The following PHAX variants were observed in gnomAD, a reference collection of about 807,000 sequenced individuals.
PHAX encodes the protein phosphorylated adapter RNA export protein.
Under a neutral mutation model 41.6 loss-of-function variants are expected in PHAX, and 31 were observed. The observed-to-expected ratio is 0.75, with a 90% CI of 0.56 to 1.01. The LOEUF is 1.01. Ranked by LOEUF, PHAX falls within the 50% of genes least tolerant of loss-of-function variation. PHAX has a pLI of 0.00. For synonymous variants in PHAX, 175 were observed against 164.9 expected (o/e 1.06, Z -0.47); for missense variants, 453 against 472.9 (o/e 0.96, Z 0.39).
intron 4 of PHAX, among the ~76,000 whole-genome samples, chr5:126,620,027 A>G (rs1752245798): frequency 6.6e-6 from 1 of 152,194 alleles, no homozygotes; most frequent in Non-Finnish European, 1.5e-5. Flanking sequence ...AGATAAAGCA[A>G]CTTACCTTGA....
intron 1 of PHAX, 132 bp downstream of exon 1, chr5:126,601,190 G>C (rs1751892144): frequency 1.6e-6 from 1 of 641,422 alleles, no homozygotes; most frequent in East Asian, 3.4e-5. Flanking sequence ...CCAGGCTGTC[G>C]GGTCAGTGGC....
At chr5:126,623,019 T>C (rs984043981) in intron 4 of PHAX, among the ~76,000 whole-genome samples, 7 of 151,758 alleles carry the variant, frequency 4.6e-5, no homozygotes, top group Non-Finnish European at 1.0e-4. Flanking sequence ...CCAGCTACTC[T>C]AGAGGCCAAG....
chr5:126,612,371 G>A (rs1752115486), intron 3 of PHAX, among the ~76,000 whole-genome samples: 1 of 152,100 alleles, frequency 6.6e-6, no homozygotes, highest in African/African-American at 2.4e-5. Context: ...TACTTTAAAT[G>A]AAATGGCCCA....
intron 4 of PHAX, among the ~76,000 whole-genome samples, chr5:126,621,987 C>T (rs141715021): frequency 1.3e-3 from 191 of 152,128 alleles, no homozygotes; most frequent in African/African-American, 3.9e-3. Flanking sequence ...ATTTTTGAGA[C>T]GGAGTCTCCT....
intron 4 of PHAX, 60 bp from the exon 5 acceptor site, chr5:126,624,515 T>C (rs1277730171): frequency 1.6e-6 from 2 of 1,282,954 alleles, no homozygotes; most frequent in African/African-American, 3.0e-5. Context: ...GGGACAGTCA[T>C]GGAATAAACC....
At position 126,618,674 on chromosome 5, in the gene PHAX, T is replaced by G. The variant is rs892248957; in HGVS notation, c.915+1341T>G. 1.2e-4 allele frequency among the ~76,000 whole-genome samples: 18 copies of G among 150,080 alleles called. No individual in the cohort carries two copies. In the East Asian group the frequency reaches 2.7e-3, roughly 23 times the overall value. On this transcript the variant is annotated intron_variant, in intron 4 of 4. Transcript: ENST00000297540. ...CAAAGTCTTTTTTTAAAAACTGTTT[T>G]TTTTTTTTTTGAGATGGAGTCTTGC...
chr5:126,621,583 A>G (rs1243987926), intron 4 of PHAX, among the ~76,000 whole-genome samples: 1 of 152,212 alleles, frequency 6.6e-6, no homozygotes, highest in Non-Finnish European at 1.5e-5. Flanking sequence ...CAGTCACCAT[A>G]TGTAGAACTT....
At chr5:126,610,874 T>A (rs1054673404) in intron 3 of PHAX, among the ~76,000 whole-genome samples, 57 of 151,888 alleles carry the variant, frequency 3.8e-4, no homozygotes, top group African/African-American at 1.3e-3. Context: ...CTTGGCTAAT[T>A]TTTTGTGTTT....
At chr5:126,611,255 T>C (rs1752093078) in intron 3 of PHAX, among the ~76,000 whole-genome samples, 2 of 152,150 alleles carry the variant, frequency 1.3e-5, no homozygotes, top group African/African-American at 4.8e-5. Flanking sequence ...GGTTTCTCCA[T>C]GTTGAGCAGG....
chr5:126,620,201 T>C (rs922430267), intron 4 of PHAX, among the ~76,000 whole-genome samples: 2 of 152,216 alleles, frequency 1.3e-5, no homozygotes, highest in African/African-American at 4.8e-5. Flanking sequence ...TTTCATTTCA[T>C]TGTAACAACT....
chr5:126,619,927 G>GT (rs1752244404), intron 4 of PHAX, among the ~76,000 whole-genome samples: 1 of 152,328 alleles, frequency 6.6e-6, no homozygotes, highest in South Asian at 2.1e-4. Context: ...TTGTATTTGA[G>GT]TAGCCGCACA....
chr5:126,609,508 A>G (rs992154150), intron 3 of PHAX, among the ~76,000 whole-genome samples: 2 of 151,980 alleles, frequency 1.3e-5, no homozygotes, highest in Non-Finnish European at 2.9e-5. Flanking sequence ...TAGATTTTCA[A>G]CATACTAATT....
At chr5:126,606,823 T>A (rs1302719228) in intron 2 of PHAX, among the ~76,000 whole-genome samples, 1 of 151,908 alleles carries the variant, frequency 6.6e-6, no homozygotes, top group Non-Finnish European at 1.5e-5. Flanking sequence ...AGATAATTTT[T>A]TTTTTGTATT....
rs1204676609 is a variant in PHAX, at chr5:126,601,145, G to A, written c.96+87G>A. 10 of 953,472 alleles carry A rather than the reference G, an allele frequency of 1.0e-5. 1 individual carries two copies. The South Asian group carries it at 1.3e-4, about 12-fold the overall frequency. The allele number at this position is 953,472 out of a possible 1,614,324, so 59.1% of individuals were successfully genotyped here. A position where few individuals can be genotyped will look rare whatever the true frequency, so the allele number is the denominator to read the frequency against. ...CGCGCAGGCAGCGGTGAGGGTGAGG[G>A]GTGGGAGCTAGGAGCCCGGGCCAGA... On this transcript the variant is annotated intron_variant, in intron 1 of 4. Coordinates refer to ENST00000297540, the MANE Select transcript of PHAX (RefSeq NM_032177.4).
intron 3 of PHAX, among the ~76,000 whole-genome samples, chr5:126,608,867 C>G (rs1752032085): frequency 6.6e-6 from 1 of 151,100 alleles, no homozygotes; most frequent in African/African-American, 2.4e-5. Flanking sequence ...ACCTGAGAGA[C>G]CAGAGGTTTC....
chr5:126,612,958 A>G (rs780188348), intron 3 of PHAX, among the ~76,000 whole-genome samples: 1 of 152,198 alleles, frequency 6.6e-6, no homozygotes, highest in Non-Finnish European at 1.5e-5. Flanking sequence ...TTGAAGAGCA[A>G]TATCCAAAAA....
chr5:126,608,295 G>A, intron 2 of PHAX, 69 bp from the exon 3 acceptor site: 1 of 1,507,482 alleles, frequency 6.6e-7, no homozygotes, highest in South Asian at 1.3e-5. Context: ...ATTCTAGCTG[G>A]TGACTAAGGT....
intron 2 of PHAX, among the ~76,000 whole-genome samples, 187 bp downstream of exon 2, chr5:126,604,370 T>G (rs1443797817): frequency 6.9e-6 from 1 of 144,806 alleles, no homozygotes; most frequent in Non-Finnish European, 1.5e-5. Flanking sequence ...GCTCAAGGGA[T>G]TCTCTTACCT....
At chr5:126,613,192 T>G (rs1273964385) in intron 3 of PHAX, among the ~76,000 whole-genome samples, 1 of 151,840 alleles carries the variant, frequency 6.6e-6, no homozygotes, top group African/African-American at 2.4e-5. Context: ...CTGCTAAAAA[T>G]ACAAAAATTA....
Sources: gnomAD v4.1 joint callset for allele counts (sites outside exome capture counted in the v4.1 genomes callset) on GRCh38, gnomAD v4.1.1 for gene constraint, MANE v1.5 for transcripts, NCBI Gene and HGNC (gene_info 2026-07-23, HGNC 2026-07-21) for gene names.